ZNF765: variants seen among roughly 807,000 people sequenced by gnomAD.
The protein encoded by ZNF765 is zinc finger protein 765.
A neutral mutation model predicts 44.7 loss-of-function variants in ZNF765; 37 were observed. That is an observed-to-expected ratio of 0.83 (90% CI 0.64 to 1.09). ZNF765 has a LOEUF of 1.09. ZNF765 is among the 50% of genes least tolerant of loss of function. The pLI, the probability that ZNF765 is intolerant of heterozygous loss-of-function variation, is 0.00. For synonymous variants in ZNF765, 201 were observed against 213.7 expected (o/e 0.94, Z 0.52); for missense variants, 594 against 626.1 (o/e 0.95, Z 0.55).
intron 3 of ZNF765, among the ~76,000 whole-genome samples, chr19:53,422,590 A>G (rs1363321939): frequency 6.6e-6 from 1 of 151,880 alleles, no homozygotes; most frequent in Non-Finnish European, 1.5e-5. Context: ...TTATTTATTT[A>G]TTTTGAGACG....
chr19:53,413,309 A>G, downstream of ZNF765: 1 of 586,918 alleles, frequency 1.7e-6, no homozygotes, highest in Non-Finnish European at 3.3e-6. Context: ...ACAACTTTAA[A>G]AGGAGACATT....
At position 53,408,014 on chromosome 19, in the gene ZNF765, AT is replaced by A; in HGVS notation, c.462del (p.His155ThrfsTer11). ...FHSHLPELHI[F>X]HTEEKIDNQV... ...ATTCGCATCTGCCTGAACTGCACAT[AT>A]TTCACACTGAAGAGAAAATTGATAA... On this transcript the variant is annotated frameshift_variant, in exon 4 of 4. Coordinates refer to ENST00000396408, the MANE Select transcript of ZNF765 (RefSeq NM_001040185.3). LOFTEE classifies it high-confidence loss of function. 2 of 1,614,210 alleles carry A rather than the reference AT, an allele frequency of 1.2e-6. No individual in the cohort carries two copies. Among genetic ancestry groups the A allele is most frequent in the Non-Finnish European group, 1.7e-6 (2 of 1,180,034 alleles).
At position 53,411,763 on chromosome 19, in the gene ZNF765, C is replaced by T. The variant is rs180689601; in HGVS notation, c.*2636C>T. 1 of 152,296 alleles carries T rather than the reference C, an allele frequency of 6.6e-6. No individual in the cohort carries two copies. The highest frequency in any genetic ancestry group is 2.4e-5 in the African/African-American group (1 of 41,532). 9.4% of individuals were successfully genotyped at this position (152,296 alleles called of 1,614,324 possible). A position where few individuals can be genotyped will look rare whatever the true frequency, so the allele number is the denominator to read the frequency against. On this transcript the variant is annotated 3_prime_UTR_variant, in exon 4 of 4. Coordinates refer to ENST00000396408, the MANE Select transcript of ZNF765 (RefSeq NM_001040185.3). Reference sequence around the variant, plus strand: ...AAGGTAAAAACCTCTGACCTTTTTACGTTTATTTCTAAGTATTTCTTACTT... The same window carrying T: ...AAGGTAAAAACCTCTGACCTTTTTATGTTTATTTCTAAGTATTTCTTACTT...
At chr19:53,401,266 T>C (rs553969340) in intron 2 of ZNF765, among the ~76,000 whole-genome samples, 1 of 152,260 alleles carries the variant, frequency 6.6e-6, no homozygotes, top group South Asian at 2.1e-4. Flanking sequence ...ACTTGGTGTG[T>C]CAATAAATGT....
chr19:53,413,342 A>G (rs904793285), downstream of ZNF765: 12 of 581,048 alleles, frequency 2.1e-5, 1 homozygote, highest in East Asian at 8.8e-5. Flanking sequence ...AGCTGGGTCT[A>G]TAAGGAATTG....
downstream of ZNF765, among the ~76,000 whole-genome samples, chr19:53,416,671 T>C (rs1488130541): frequency 1.3e-5 from 2 of 151,894 alleles, no homozygotes; most frequent in Admixed American, 6.6e-5. Flanking sequence ...CTATTTTACA[T>C]AGTTATATAA....
chr19:53,419,709 T>C (rs779248925), intron 3 of ZNF765, among the ~76,000 whole-genome samples: 8 of 152,102 alleles, frequency 5.3e-5, no homozygotes, highest in Non-Finnish European at 7.4e-5. Context: ...TAGACACAAT[T>C]ATTGGCCAAT....
In ZNF765 at chr19:53,401,456, G is replaced by T. The variant is rs544160840; in HGVS notation, c.16-609G>T. On this transcript the variant is annotated intron_variant, in intron 2 of 3. Coordinates refer to ENST00000396408, the MANE Select transcript of ZNF765 (RefSeq NM_001040185.3). ...TGGGCGCCTGTAGTCCCAGCTACTC[G>T]GGAGGCTGAGGCAGGAGAATGGCGT... Among the ~76,000 whole-genome samples the T allele has an allele frequency of 5.9e-5, 9 of 152,208 alleles. No individual in the cohort carries two copies. The South Asian group carries it at 1.9e-3, about 32-fold the overall frequency.
chr19:53,425,063 C>T (rs1256941980), exon 4 of ZNF765: 3 of 152,238 alleles, frequency 2.0e-5, no homozygotes, highest in African/African-American at 7.2e-5. Flanking sequence ...TCATTCTCTT[C>T]CTGGCAGGAG....
chr19:53,408,284 T>G lies in ZNF765; in HGVS notation c.729T>G (p.Tyr243Ter). The G allele has an allele frequency of 6.2e-7, 1 of 1,614,186 alleles. No individual in the cohort carries two copies. Among genetic ancestry groups the G allele is most frequent in the Admixed American group, 1.7e-5 (1 of 60,014 alleles). ...TAATCCATTTAGGAGAGAAACAATA[T>G]AAATGCGATATATGTGGCAAGGTCT... is the stretch of plus-strand genomic sequence containing the variant. ...HQLIHLGEKQYKCDICGKVFN... is the reference protein window; with the variant it reads ...HQLIHLGEKQ The change falls in exon 4 of 4, where the codon TAT (tyrosine) becomes TAG (stop). Residue 243 changes from tyrosine to a stop codon, truncating the protein, a stop_gained. Coordinates refer to ENST00000396408, the MANE Select transcript of ZNF765 (RefSeq NM_001040185.3). LOFTEE classifies it high-confidence loss of function.
In ZNF765 at chr19:53,410,625, T is replaced by C. The variant is rs902841914; in HGVS notation, c.*1498T>C. 4 of 481,760 alleles carry C rather than the reference T, an allele frequency of 8.3e-6. No homozygotes were observed. Among genetic ancestry groups the C allele is most frequent in the East Asian group, 5.6e-5 (1 of 17,920 alleles). The allele number at this position is 481,760 out of a possible 1,614,324, so 29.8% of individuals were successfully genotyped here. ...ATTGTCACAAAGTCTTCAGTTACAC[T>C]ACAACCATTGCGAATCATTGGAGAA... is the stretch of plus-strand genomic sequence containing the variant. On this transcript the variant is annotated 3_prime_UTR_variant, in exon 4 of 4. Coordinates refer to ENST00000396408, the MANE Select transcript of ZNF765 (RefSeq NM_001040185.3).
intron 2 of ZNF765, among the ~76,000 whole-genome samples, chr19:53,399,747 C>T (rs2085705369): frequency 6.6e-6 from 1 of 152,024 alleles, no homozygotes; most frequent in Non-Finnish European, 1.5e-5. Context: ...AAACTAGGGT[C>T]ATCGGGGTTT....
downstream of ZNF765, among the ~76,000 whole-genome samples, chr19:53,416,755 A>G (rs1038361417): frequency 9.3e-5 from 14 of 151,150 alleles, no homozygotes; most frequent in African/African-American, 2.4e-4. Context: ...GGTAAACTCT[A>G]CGTTTCTATG....
At chr19:53,405,906 T>C (rs2085768916) in intron 3 of ZNF765, among the ~76,000 whole-genome samples, 1 of 33,312 alleles carries the variant, frequency 3.0e-5, no homozygotes, top group African/African-American at 1.5e-4. Flanking sequence ...ATACCAACTA[T>C]ATATATATAT....
rs2147085370 is a variant in ZNF765 at position 53,396,911 on chromosome 19, G to T, written c.-73-1032G>T. ...TTAGGCACAGGCTGATATTTATATG[G>T]AGCTATTAGCTGAGTGGTAGTCTGC... On this transcript the variant is annotated intron_variant, in intron 1 of 3. Coordinates refer to ENST00000396408, the MANE Select transcript of ZNF765 (RefSeq NM_001040185.3). 1.3e-5 allele frequency among the ~76,000 whole-genome samples: 2 copies of T among 152,364 alleles called. 1 individual carries two copies. Among genetic ancestry groups the T allele is most frequent in the South Asian group, 4.1e-4 (2 of 4,832 alleles).
In ZNF765 at chr19:53,408,290, C is replaced by A; in HGVS notation, c.735C>A (p.Cys245Ter). The change falls in exon 4 of 4, where the codon TGC becomes TGA. Residue 245 changes from cysteine (C) to a stop codon, truncating the protein, a stop_gained. Transcript: ENST00000396408. LOFTEE classifies it high-confidence loss of function. The stretch of plus-strand genomic sequence containing the variant: ...ATTTAGGAGAGAAACAATATAAATG[C>A]GATATATGTGGCAAGGTCTTTAATT... ...LIHLGEKQYK[C>*]DICGKVFNSK... 1 of 1,614,104 alleles carries A rather than the reference C, an allele frequency of 6.2e-7. No individual in the cohort carries two copies. Among genetic ancestry groups the A allele is most frequent in the Non-Finnish European group, 8.5e-7 (1 of 1,180,016 alleles).
intron 3 of ZNF765, among the ~76,000 whole-genome samples, chr19:53,422,637 C>G (rs1008995467): frequency 2.0e-5 from 3 of 152,016 alleles, no homozygotes; most frequent in Admixed American, 6.6e-5. Context: ...TGCAGTGGCG[C>G]GATCTTGCCT....
At position 53,400,783 on chromosome 19, in the gene ZNF765, T is replaced by TATATATATACACAC. The variant is rs10664389; in HGVS notation, c.16-1281_16-1280insTATATATACACACA. Among the ~76,000 whole-genome samples, 674 of 126,768 alleles carry TATATATATACACAC rather than the reference T, an allele frequency of 5.3e-3. 9 individuals carry two copies. Among genetic ancestry groups the TATATATATACACAC allele is most frequent in the African/African-American group, 0.018 (619 of 33,872 alleles). The allele number at this position is 126,768 out of a possible 152,430, so 83.2% of individuals were successfully genotyped here. ...GTTGACATATATATATATATATATA[T>TATATATATACACAC]ACACACATACATAAAATGGATTTTC... is the stretch of plus-strand genomic sequence containing the variant. On this transcript the variant is annotated intron_variant, in intron 2 of 3. Transcript: ENST00000396408.
chr19:53,422,809 G>A (rs991235471), intron 3 of ZNF765, among the ~76,000 whole-genome samples: 2 of 152,122 alleles, frequency 1.3e-5, no homozygotes, highest in African/African-American at 4.8e-5. Context: ...TGGCTGCTGG[G>A]ATGTGGCCAT....
Sources: gnomAD v4.1 joint callset for allele counts (sites outside exome capture counted in the v4.1 genomes callset) on GRCh38, gnomAD v4.1.1 for gene constraint, MANE v1.5 for transcripts, NCBI Gene and HGNC (gene_info 2026-07-23, HGNC 2026-07-21) for gene names.